Variants in FSTL4 observed in about 807,000 individuals in gnomAD.
FSTL4 encodes follistatin-related protein 4.
In FSTL4, 28 loss-of-function variants were observed where a neutral mutation model predicts 78.2. The observed-to-expected ratio is 0.36, with a 90% CI of 0.27 to 0.49. The LOEUF (loss-of-function observed/expected upper bound fraction) is 0.49. Ranked by LOEUF, FSTL4 falls within the 20% of genes least tolerant of loss-of-function variation. The pLI is 0.98. For missense variants in FSTL4, 922 were observed against 1,084.9 expected, an observed-to-expected ratio of 0.85 and a Z score of 2.11; for synonymous variants, 422 against 440.5, an observed-to-expected ratio of 0.96 and a Z score of 0.53.
rs1305092911 is a variant in FSTL4 at position 133,334,601 on chromosome 5, T to G, written c.410-17949A>C. On this transcript the variant is annotated intron_variant, in intron 4 of 15. Transcript: ENST00000265342. ...ACACTTATGACTTATTCATTTTCTC[T>G]CTGTGTTATGCTTCAATGATATGTT... Among the ~76,000 whole-genome samples, 14 of 152,252 alleles carry G rather than the reference T, an allele frequency of 9.2e-5. 1 individual carries two copies. The highest frequency in any genetic ancestry group is 9.2e-4 in the Admixed American group (14 of 15,290).
At chr5:133,632,219 G>A in the FSTL4 span, among the ~76,000 whole-genome samples, 1 of 151,988 alleles carries the variant, frequency 6.6e-6, no homozygotes, top group Non-Finnish European at 1.5e-5. Flanking sequence ...ACCAGTTCAA[G>A]TAAAGTATAA....
Position 133,448,775 on chromosome 5 carries a change from C to T in FSTL4, c.161-47789G>A, listed in dbSNP as rs564221672. Among the ~76,000 whole-genome samples, 680 of 147,480 alleles carry T rather than the reference C, an allele frequency of 4.6e-3. 5 individuals carry two copies. Among genetic ancestry groups the T allele is most frequent in the African/African-American group, 0.017 (655 of 39,588 alleles). ...GGCGCTCAGAATTTTCCGCCTTTTGCGCAAACTCCCCAGATGCTTCTTAAA... is the reference window on the plus strand; with the variant it reads ...GGCGCTCAGAATTTTCCGCCTTTTGTGCAAACTCCCCAGATGCTTCTTAAA... On this transcript the variant is annotated intron_variant, in intron 3 of 15. Coordinates refer to ENST00000265342, the MANE Select transcript of FSTL4 (RefSeq NM_015082.2).
At chr5:133,774,983 A>C in the FSTL4 span, among the ~76,000 whole-genome samples, 3 of 110,724 alleles carry the variant, frequency 2.7e-5, no homozygotes, top group Middle Eastern at 4.2e-3. Flanking sequence ...CTAAAATGAC[A>C]AAAAAAAAAT....
chr5:133,704,873 C>A, the FSTL4 span, among the ~76,000 whole-genome samples: 6 of 152,184 alleles, frequency 3.9e-5, no homozygotes, highest in African/African-American at 1.4e-4. Flanking sequence ...CTCTAAGATG[C>A]GACACCAACA....
chr5:133,272,460 G>T (rs1018202890), intron 6 of FSTL4, among the ~76,000 whole-genome samples: 1 of 152,208 alleles, frequency 6.6e-6, no homozygotes, highest in African/African-American at 2.4e-5. Flanking sequence ...GTTACACGAC[G>T]GCTTCTGGAG....
At chr5:133,762,640 C>T in the FSTL4 span, among the ~76,000 whole-genome samples, 9 of 152,182 alleles carry the variant, frequency 5.9e-5, no homozygotes, top group Non-Finnish European at 7.3e-5. Context: ...TGCTCTGCTG[C>T]CCTCCATGTG....
chr5:133,786,327 A>G, the FSTL4 span, among the ~76,000 whole-genome samples: 2 of 152,240 alleles, frequency 1.3e-5, no homozygotes, highest in African/African-American at 4.8e-5. Flanking sequence ...CATGGGCCAA[A>G]ACGGAGGCCA....
the FSTL4 span, among the ~76,000 whole-genome samples, chr5:133,662,507 G>A: frequency 2.0e-5 from 3 of 152,092 alleles, no homozygotes; most frequent in Non-Finnish European, 2.9e-5. Flanking sequence ...AGGAGGGAAC[G>A]TGACAGCCTG....
intron 4 of FSTL4, among the ~76,000 whole-genome samples, chr5:133,334,641 A>G (rs762724374): frequency 3.2e-4 from 48 of 152,182 alleles, no homozygotes; most frequent in Non-Finnish European, 6.0e-4. Context: ...TAAAAAAGGT[A>G]ACCTGATGTT....
the FSTL4 span, among the ~76,000 whole-genome samples, chr5:133,809,085 G>A: frequency 6.6e-6 from 1 of 151,934 alleles, no homozygotes; most frequent in Non-Finnish European, 1.5e-5. Context: ...AGGACCTCAG[G>A]CCAGGTGCGG....
chr5:133,274,112 G>A (rs1334436032), intron 6 of FSTL4, among the ~76,000 whole-genome samples: 2 of 152,172 alleles, frequency 1.3e-5, no homozygotes, highest in African/African-American at 4.8e-5. Flanking sequence ...CGGTGGCTGG[G>A]GCTGATGGAG....
intron 6 of FSTL4, among the ~76,000 whole-genome samples, chr5:133,253,412 A>G (rs1179658616): frequency 1.3e-5 from 2 of 152,202 alleles, no homozygotes; most frequent in Non-Finnish European, 2.9e-5. Context: ...ACATGGATAC[A>G]ATGAGGGCTT....
intron 8 of FSTL4, among the ~76,000 whole-genome samples, chr5:133,231,336 CAGG>C (rs945750072): frequency 4.6e-5 from 7 of 151,884 alleles, no homozygotes; most frequent in Admixed American, 3.9e-4. Context: ...AGCCTCCCAC[CAGG>C]AGGATGGAGC....
intron 5 of FSTL4, among the ~76,000 whole-genome samples, chr5:133,314,014 G>A (rs939787522): frequency 6.6e-6 from 1 of 152,160 alleles, no homozygotes; most frequent in Non-Finnish European, 1.5e-5. Context: ...ATGGCTTCAG[G>A]TGCCTCAGGC....
chr5:133,344,287 C>T (rs890760074), intron 4 of FSTL4, among the ~76,000 whole-genome samples: 9 of 152,196 alleles, frequency 5.9e-5, no homozygotes, highest in African/African-American at 2.2e-4. Flanking sequence ...CTGATCCTTC[C>T]CTGTTACTTA....
intron 3 of FSTL4, among the ~76,000 whole-genome samples, chr5:133,456,554 C>T (rs1008988866): frequency 3.9e-5 from 6 of 152,230 alleles, no homozygotes; most frequent in African/African-American, 1.4e-4. Flanking sequence ...CACAGGCTTT[C>T]CCTGCTGAGG....
At chr5:133,477,197 AAAAAAG>A (rs1283012373) in intron 3 of FSTL4, among the ~76,000 whole-genome samples, 1 of 152,164 alleles carries the variant, frequency 6.6e-6, no homozygotes, top group African/African-American at 2.4e-5. Context: ...ATCTAGAAAG[AAAAAAG>A]AAAAAGAAAA....
chr5:133,379,872 C>T (rs1263556386), intron 4 of FSTL4, among the ~76,000 whole-genome samples: 56 of 151,730 alleles, frequency 3.7e-4, no homozygotes, highest in Admixed American at 3.5e-3. Flanking sequence ...GTCAAGAGAT[C>T]GAGACCATCC....
the FSTL4 span, among the ~76,000 whole-genome samples, chr5:133,821,238 C>G: frequency 6.6e-6 from 1 of 152,230 alleles, no homozygotes; most frequent in African/African-American, 2.4e-5. Flanking sequence ...ATGCTAACAT[C>G]ATGCCTTCAG....
Sources: gnomAD v4.1 joint callset for allele counts (sites outside exome capture counted in the v4.1 genomes callset) on GRCh38, gnomAD v4.1.1 for gene constraint, MANE v1.5 for transcripts, NCBI Gene and HGNC (gene_info 2026-07-23, HGNC 2026-07-21) for gene names.